The following MYBL2 variants were observed in gnomAD, a reference collection of about 807,000 sequenced individuals.
The protein encoded by MYBL2 is myb-related protein B.
MYBL2 carries 28 observed loss-of-function variants against 79.9 expected under a neutral mutation model. That is an observed-to-expected ratio of 0.35 (90% CI 0.26 to 0.48). The LOEUF (loss-of-function observed/expected upper bound fraction) is 0.48, where lower values mean the gene tolerates loss of function less well. Among genes scored for constraint, MYBL2 ranks in the 20% least tolerant of loss-of-function variants. The pLI is 0.99. For missense variants in MYBL2, 735 were observed against 893.9 expected (o/e 0.82, Z 2.27); for synonymous variants, 378 against 361.2 (o/e 1.05, Z -0.53).
chr20:43,670,225 A>T (rs1986824794), intron 1 of MYBL2, among the ~76,000 whole-genome samples: 2 of 152,230 alleles, frequency 1.3e-5, no homozygotes, highest in South Asian at 4.1e-4. Context: ...TTTGTGCTGG[A>T]TGCTGGAGAA....
chr20:43,702,861 C>T lies in MYBL2; in HGVS notation c.1323C>T (p.Pro441=). Residue 441 remains proline, a synonymous_variant, in exon 8 of 14, where the codon CCC becomes CCT. Coordinates refer to ENST00000217026, the MANE Select transcript of MYBL2 (RefSeq NM_002466.4). The stretch of plus-strand genomic sequence containing the variant: ...TGGATTCCTGTAACAGCCTCACGCC[C>T]AAGAGCACACCTGTTAAGACCCTGC... ...SFLDSCNSLT[P]KSTPVKTLPF... is the part of the protein sequence containing the mutation. 4 of 1,611,000 alleles carry T rather than the reference C, an allele frequency of 2.5e-6. No individual in the cohort carries two copies. Among genetic ancestry groups the T allele is most frequent in the Non-Finnish European group, 3.4e-6 (4 of 1,177,528 alleles).
intron 1 of MYBL2, among the ~76,000 whole-genome samples, chr20:43,668,643 A>T (rs1229824497): frequency 2.7e-5 from 4 of 150,586 alleles, no homozygotes; most frequent in Non-Finnish European, 4.4e-5. Context: ...GCCAATGTCC[A>T]GGAAGAGTTT....
At chr20:43,701,371 C>T (rs776099565) in intron 7 of MYBL2, among the ~76,000 whole-genome samples, 8 of 152,322 alleles carry the variant, frequency 5.3e-5, no homozygotes, top group Non-Finnish European at 1.2e-4. Context: ...CTGGCCTCCA[C>T]CCTTAGGAGT....
At chr20:43,710,613 G>C (rs1356471468) in intron 10 of MYBL2, among the ~76,000 whole-genome samples, 1 of 152,186 alleles carries the variant, frequency 6.6e-6, no homozygotes, top group Non-Finnish European at 1.5e-5. Flanking sequence ...GAAATCAGTG[G>C]AGGGTGAGAG....
intron 2 of MYBL2, among the ~76,000 whole-genome samples, chr20:43,678,013 C>G (rs1460118472): frequency 6.6e-6 from 1 of 152,206 alleles, no homozygotes; most frequent in Non-Finnish European, 1.5e-5. Flanking sequence ...ACCCCCAACC[C>G]TGTGCTCTCT....
rs112163259 is a variant in MYBL2 at position 43,685,147 on chromosome 20, C to CAA, written c.280-1690_280-1689dup. ...GGGCAGCAGGAGCGAAACTCTGTCT[C>CAA]AAAAAAAAAAAAAAAAGAATGAAAT... is the stretch of plus-strand genomic sequence containing the variant. On this transcript the variant is annotated intron_variant, in intron 4 of 13. Transcript: ENST00000217026. Among the ~76,000 whole-genome samples, 975 of 129,738 alleles carry CAA rather than the reference C, an allele frequency of 7.5e-3. 11 individuals are homozygous for CAA. The highest frequency in any genetic ancestry group is 0.026 in the African/African-American group (896 of 34,606). The allele number at this position is 129,738 out of a possible 152,430, so 85.1% of individuals were successfully genotyped here. A position where few individuals can be genotyped will look rare whatever the true frequency, so the allele number is the denominator to read the frequency against.
At chr20:43,682,309 A>C (rs1987161973) in intron 3 of MYBL2, among the ~76,000 whole-genome samples, 2 of 152,048 alleles carry the variant, frequency 1.3e-5, no homozygotes, top group Admixed American at 1.3e-4. Flanking sequence ...CCTCCTTCTC[A>C]GGCCCTCCCA....
chr20:43,686,382 C>A (rs114235069), intron 4 of MYBL2, among the ~76,000 whole-genome samples: 1 of 152,248 alleles, frequency 6.6e-6, no homozygotes, highest in African/African-American at 2.4e-5. Context: ...AGCCTGTGCC[C>A]TCCCAATTTC....
At chr20:43,673,673 A>T in intron 1 of MYBL2, 133 bp from the exon 2 acceptor site, 1 of 835,428 alleles carries the variant, frequency 1.2e-6, no homozygotes, top group Non-Finnish European at 2.1e-6. Context: ...CCTATGTCTT[A>T]AAAAGAAGAA....
rs13036470 is a variant in MYBL2, at chr20:43,699,007, T to C, written c.664-750T>C. On this transcript the variant is annotated intron_variant, in intron 6 of 13. Coordinates refer to ENST00000217026, the MANE Select transcript of MYBL2 (RefSeq NM_002466.4). ...CATAAGCCACTGTACCTGGTCTTTT[T>C]ATTTTTTAATGTTTATTAAGCATTA... Among the ~76,000 whole-genome samples the C allele has an allele frequency of 6.0e-3, 908 of 152,260 alleles. 12 individuals carry two copies. The highest frequency in any genetic ancestry group is 9.8e-3 in the Non-Finnish European group (667 of 68,026).
intron 9 of MYBL2, 47 bp from the exon 10 acceptor site, chr20:43,709,916 G>C (rs775671458): frequency 6.8e-7 from 1 of 1,472,302 alleles, no homozygotes; most frequent in South Asian, 1.2e-5. Context: ...AGTGCCTGGC[G>C]TCGGCCCCTA....
intron 2 of MYBL2, among the ~76,000 whole-genome samples, chr20:43,675,554 C>G (rs551926864): frequency 6.6e-6 from 1 of 152,118 alleles, no homozygotes; most frequent in Non-Finnish European, 1.5e-5. Context: ...CTCAAGCAAT[C>G]CACCCACCTT....
rs1987151907 is a variant in MYBL2, at chr20:43,681,858, G to A, written c.186+3G>A. On this transcript the variant is annotated splice_donor_region_variant and intron_variant, in intron 3 of 13. Transcript: ENST00000217026. ...AGTTCCTGGCCAGCCACTTCCCTGT[G>A]AGTACAGTCCTGCTGTGGCCCTCCC... 6.2e-7 allele frequency: 1 copy of A among 1,614,068 alleles called. No individual in the cohort carries two copies. Among genetic ancestry groups the A allele is most frequent in the Non-Finnish European group, 8.5e-7 (1 of 1,180,026 alleles).
intron 2 of MYBL2, among the ~76,000 whole-genome samples, chr20:43,674,721 G>A (rs1381408595): frequency 6.6e-6 from 1 of 151,184 alleles, no homozygotes; most frequent in Admixed American, 6.6e-5. Flanking sequence ...TAGTAGAGAC[G>A]GAGTTTCACC....
intron 1 of MYBL2, among the ~76,000 whole-genome samples, chr20:43,668,194 CTTTTTTTTTT>C (rs3091539): frequency 1.5e-4 from 12 of 80,636 alleles, no homozygotes; most frequent in African/African-American, 4.2e-4. Flanking sequence ...TTCGTTCCCT[CTTTTTTTTTT>C]TTTTTTTTTT....
chr20:43,683,555 T>TGAAGGGAACTAGGCC (rs1568855202), intron 4 of MYBL2, among the ~76,000 whole-genome samples: 1 of 141,190 alleles, frequency 7.1e-6, no homozygotes. Context: ...CTAGGCATTT[T>TGAAGGGAACTAGGCC]TTTTTTTTTT....
At position 43,716,249 on chromosome 20, in the gene MYBL2, C is replaced by T. The variant is rs1303016149; in HGVS notation, c.*162C>T. On this transcript the variant is annotated 3_prime_UTR_variant, in exon 14 of 14. Transcript: ENST00000217026. ...TGGAGGCAACAGGGCCATGTGCTGC[C>T]CTGTTGCCGAGCCCAGCTGTGGGCG... is the stretch of plus-strand genomic sequence containing the variant. 1.6e-5 allele frequency: 17 copies of T among 1,084,570 alleles called. No homozygotes were observed. The East Asian group carries it at 4.8e-4, about 31-fold the overall frequency. The allele number at this position is 1,084,570 out of a possible 1,614,324, so 67.2% of individuals were successfully genotyped here. A position where few individuals can be genotyped will look rare whatever the true frequency, so the allele number is the denominator to read the frequency against.
intron 13 of MYBL2, 85 bp downstream of exon 13, chr20:43,715,368 G>T: frequency 6.3e-7 from 1 of 1,582,752 alleles, no homozygotes; most frequent in Non-Finnish European, 8.6e-7. Flanking sequence ...TGGGGGTCCT[G>T]CAGTGCCCGC....
intron 7 of MYBL2, 95 bp from the exon 8 acceptor site, chr20:43,702,395 G>A (rs1987691950): frequency 7.5e-7 from 1 of 1,339,984 alleles, no homozygotes; most frequent in Non-Finnish European, 1.0e-6. Context: ...TGGGCTGTGG[G>A]ATCATACTTG....
Sources: allele counts gnomAD v4.1 joint callset (sites outside exome capture counted in the v4.1 genomes callset), GRCh38; gene constraint gnomAD v4.1.1; transcripts MANE v1.5; gene names NCBI Gene and HGNC (gene_info 2026-07-23, HGNC 2026-07-21).